LDB2: variants seen among roughly 807,000 people sequenced by gnomAD.
LDB2 encodes the protein LIM domain-binding protein 2.
LDB2 carries 12 observed loss-of-function variants against 44.3 expected under a neutral mutation model. The observed-to-expected ratio is 0.27, with a 90% CI of 0.17 to 0.44. The LOEUF (loss-of-function observed/expected upper bound fraction) is 0.44, where lower values mean the gene tolerates loss of function less well. Among genes scored for constraint, LDB2 ranks in the 20% least tolerant of loss-of-function variants. The pLI is 1.00. For missense variants in LDB2, 344 were observed against 473.5 expected (o/e 0.73, Z 2.54); for synonymous variants, 164 against 174.8 (o/e 0.94, Z 0.49).
At position 16,571,399 on chromosome 4, in the gene LDB2, A is replaced by C. The variant is rs1208380325; in HGVS notation, c.615+14523T>G. Among the ~76,000 whole-genome samples the C allele has an allele frequency of 2.0e-5, 3 of 152,082 alleles. No homozygotes were observed. In the East Asian group the frequency reaches 5.8e-4, roughly 29 times the overall value. On this transcript the variant is annotated intron_variant, in intron 5 of 7. Coordinates refer to ENST00000304523, the MANE Select transcript of LDB2 (RefSeq NM_001290.5). ...GAGGGTTTTTGATCCCATTATGCTT[A>C]AGCCCTGAGTAGTTTTTGGTGTTCT...
intron 5 of LDB2, among the ~76,000 whole-genome samples, chr4:16,521,968 C>T (rs1432426892): frequency 4.6e-5 from 7 of 152,070 alleles, no homozygotes; most frequent in African/African-American, 2.4e-5. Flanking sequence ...AATTCAGCTG[C>T]GGTTCAAACT....
intron 5 of LDB2, among the ~76,000 whole-genome samples, chr4:16,562,241 C>T (rs961351608): frequency 5.9e-5 from 9 of 152,112 alleles, no homozygotes; most frequent in African/African-American, 1.9e-4. Context: ...AACTAAAGGG[C>T]TTCTGCACAG....
intron 1 of LDB2, among the ~76,000 whole-genome samples, chr4:16,775,765 G>A (rs1001935578): frequency 6.6e-6 from 1 of 152,110 alleles, no homozygotes; most frequent in Non-Finnish European, 1.5e-5. Context: ...AACTCCTCAA[G>A]GGCAGGATCG....
chr4:16,608,197 A>C, intron 2 of LDB2, among the ~76,000 whole-genome samples: 1 of 128,118 alleles, frequency 7.8e-6, no homozygotes, highest in African/African-American at 3.3e-5. Flanking sequence ...ACAGAAAATC[A>C]CACTTCTTCA....
intron 2 of LDB2, chr4:16,741,587 C>T (rs1763256325): frequency 6.6e-6 from 1 of 152,158 alleles, no homozygotes; most frequent in African/African-American, 2.4e-5. Context: ...CCAGTCTATC[C>T]CAAATCTACA....
chr4:16,520,006 A>G (rs1411522680), intron 5 of LDB2, among the ~76,000 whole-genome samples: 1 of 152,062 alleles, frequency 6.6e-6, no homozygotes, highest in East Asian at 2.0e-4. Context: ...AATGCCCCAA[A>G]GAGTAGTAAT....
rs561444654 is a variant in LDB2, at chr4:16,689,672, G to A, written c.235+69486C>T. Among the ~76,000 whole-genome samples, 8 of 152,286 alleles carry A rather than the reference G, an allele frequency of 5.3e-5. No homozygotes were observed. The East Asian group carries it at 1.4e-3, about 26-fold the overall frequency. On this transcript the variant is annotated intron_variant, in intron 2 of 7. Coordinates refer to ENST00000304523, the MANE Select transcript of LDB2 (RefSeq NM_001290.5). ...ATTTGAGGGAAATAAATTCCTCCAT[G>A]TAGAGCCAGTCTGAAGATTTAAAAA...
At chr4:16,519,927 G>T (rs1439352799) in intron 5 of LDB2, among the ~76,000 whole-genome samples, 2 of 151,982 alleles carry the variant, frequency 1.3e-5, no homozygotes, top group Admixed American at 1.3e-4. Flanking sequence ...TGTATTATGG[G>T]ACTGAGAAGC....
intron 1 of LDB2, among the ~76,000 whole-genome samples, chr4:16,833,544 C>CTTTTTTTTTTTT (rs34692758): frequency 7.7e-6 from 1 of 129,852 alleles, no homozygotes. Context: ...ATCTTTTCCT[C>CTTTTTTTTTTTT]TTTTTTTTTT....
At chr4:16,742,086 T>C (rs1303302561) in intron 2 of LDB2, among the ~76,000 whole-genome samples, 1 of 148,934 alleles carries the variant, frequency 6.7e-6, no homozygotes, top group African/African-American at 2.5e-5. Context: ...TTTTTTTTTT[T>C]TTTTTTGAGA....
At position 16,754,525 on chromosome 4, in the gene LDB2, ATTTTTT is replaced by A. The variant is rs1237200033; in HGVS notation, c.235+4627_235+4632del. ...ATTTTCACAAGCCAGTGATGGCAGT[ATTTTTT>A]TTTTTTTTTTTATTGAGACAGAGTC... On this transcript the variant is annotated intron_variant, in intron 2 of 7. Transcript: ENST00000304523. Among the ~76,000 whole-genome samples, 5 of 140,960 alleles carry A rather than the reference ATTTTTT, an allele frequency of 3.5e-5. 1 individual carries two copies. In the Admixed American group the frequency reaches 3.6e-4, roughly 10 times the overall value. The allele number at this position is 140,960 out of a possible 152,430, so 92.5% of individuals were successfully genotyped here. A position where few individuals can be genotyped will look rare whatever the true frequency, so the allele number is the denominator to read the frequency against.
chr4:16,878,113 G>A (rs1001761231), intron 1 of LDB2, among the ~76,000 whole-genome samples: 3 of 152,200 alleles, frequency 2.0e-5, no homozygotes, highest in Non-Finnish European at 2.9e-5. Context: ...TCAAAAGCAG[G>A]TAGGGGAAGG....
chr4:16,618,998 CTT>C (rs1728132635), intron 2 of LDB2, among the ~76,000 whole-genome samples: 1 of 152,156 alleles, frequency 6.6e-6, no homozygotes, highest in African/African-American at 2.4e-5. Flanking sequence ...CTGGCTTCCC[CTT>C]CGACTTTCGC....
chr4:16,751,842 C>G (rs1484447423), intron 2 of LDB2, among the ~76,000 whole-genome samples: 1 of 152,202 alleles, frequency 6.6e-6, no homozygotes, highest in African/African-American at 2.4e-5. Context: ...ATCTGCTCTA[C>G]TTCTAACTGA....
intron 1 of LDB2, among the ~76,000 whole-genome samples, chr4:16,770,807 G>T (rs1014626992): frequency 6.6e-6 from 1 of 152,018 alleles, no homozygotes; most frequent in African/African-American, 2.4e-5. Flanking sequence ...AATATACTGG[G>T]AACCCTATGC....
rs573421055 is a variant in LDB2 at position 16,533,641 on chromosome 4, C to G, written c.616-21537G>C. ...GTGACAGAGAAGGGCAGCTCCTTCA[C>G]CATATCCCTAACGTTACCAGACACC... On this transcript the variant is annotated intron_variant, in intron 5 of 7. Coordinates refer to ENST00000304523, the MANE Select transcript of LDB2 (RefSeq NM_001290.5). This position sits in a 1 kb window ranked among gnomAD's most constrained non-coding sequence, Gnocchi z 4.1. 6.6e-6 allele frequency among the ~76,000 whole-genome samples: 1 copy of G among 152,318 alleles called. No homozygotes were observed. Among genetic ancestry groups the G allele is most frequent in the South Asian group, 2.1e-4 (1 of 4,826 alleles).
chr4:16,661,462 C>T (rs1466187918), intron 2 of LDB2, among the ~76,000 whole-genome samples: 2 of 152,160 alleles, frequency 1.3e-5, no homozygotes, highest in East Asian at 3.9e-4. Flanking sequence ...GGGGAAGTTA[C>T]TTAATCCCAC....
chr4:16,752,796 C>T (rs887374205), intron 2 of LDB2, among the ~76,000 whole-genome samples: 1 of 151,732 alleles, frequency 6.6e-6, no homozygotes, highest in Admixed American at 6.6e-5. Flanking sequence ...ACATGCCTAA[C>T]ATCTGGCAGT....
At chr4:16,887,751 T>C (rs1722178066) in intron 1 of LDB2, among the ~76,000 whole-genome samples, 1 of 152,108 alleles carries the variant, frequency 6.6e-6, no homozygotes, top group Admixed American at 6.5e-5. Flanking sequence ...AAGATCTTAC[T>C]TTATAAAAGT....
Sources: gnomAD v4.1 joint callset for allele counts (sites outside exome capture counted in the v4.1 genomes callset) on GRCh38, gnomAD v4.1.1 for gene constraint, Gnocchi (gnomAD v3.1) non-coding constraint, MANE v1.5 for transcripts, NCBI Gene and HGNC (gene_info 2026-07-23, HGNC 2026-07-21) for gene names.